Variants in TEF observed in about 807,000 individuals in gnomAD.
TEF encodes TEF transcription factor, PAR bZIP family member.
Under a neutral mutation model 20.8 loss-of-function variants are expected in TEF, and 3 were observed. That is an observed-to-expected ratio of 0.14 (90% CI 0.07 to 0.37). The LOEUF (loss-of-function observed/expected upper bound fraction) is 0.37. TEF is among the 10% of genes least tolerant of loss of function. The pLI, the probability that TEF is intolerant of heterozygous loss-of-function variation, is 1.00. For synonymous variants in TEF, 180 were observed against 171.1 expected (o/e 1.05, Z -0.41); for missense variants, 296 against 397.9 (o/e 0.74, Z 2.18).
At position 41,371,491 on chromosome 22, in the gene TEF, G is replaced by A. The variant is rs188614429; in HGVS notation, c.67+3892G>A. Among the ~76,000 whole-genome samples the A allele has an allele frequency of 8.3e-3, 1,241 of 149,930 alleles. 20 individuals are homozygous for A. Among genetic ancestry groups the A allele is most frequent in the African/African-American group, 0.03 (1,196 of 40,414 alleles). On this transcript the variant is annotated intron_variant, in intron 1 of 3. Transcript: ENST00000406644. ...TTCTACAACCCACTGGTTGGGACTT[G>A]CCCCCCTCTCTCTCCATCTCCAGAC...
chr22:41,394,399 T>A, intron 3 of TEF, 83 bp downstream of exon 3: 1 of 1,322,108 alleles, frequency 7.6e-7, no homozygotes. Context: ...TGATTTTATC[T>A]GGAGAGCCTT....
Position 41,382,198 on chromosome 22 carries a change from C to T in TEF, c.154C>T (p.Leu52Phe), listed in dbSNP as rs1052869977. 1.7e-6 allele frequency: 2 copies of T among 1,183,278 alleles called. No individual in the cohort carries two copies. Among genetic ancestry groups the T allele is most frequent in the Non-Finnish European group, 2.1e-6 (2 of 958,778 alleles). 73.3% of individuals were successfully genotyped at this position (1,183,278 alleles called of 1,614,324 possible). A position where few individuals can be genotyped will look rare whatever the true frequency, so the allele number is the denominator to read the frequency against. ...LMENPPREAR[L>F]DKEKGKEKLE... ...GGAGAACCCCCCGCGCGAGGCGCGC[C>T]TCGGTGAGGGCGGGGGGGTGGTCCG... The change falls in exon 1 of 4, where the codon CTC (leucine) becomes TTC (phenylalanine). Residue 52 changes from leucine to phenylalanine, a missense_variant. Physicochemically the swap from Leu to Phe is conservative, Grantham distance 22. Transcript: ENST00000266304.
At chr22:41,393,504 C>A (rs1387815412) in intron 2 of TEF, among the ~76,000 whole-genome samples, 1 of 152,086 alleles carries the variant, frequency 6.6e-6, no homozygotes, top group Non-Finnish European at 1.5e-5. Flanking sequence ...TGCCTGTAAT[C>A]CCAGCACTTT....
chr22:41,369,514 GGAA>G (rs2036855830), intron 1 of TEF, among the ~76,000 whole-genome samples: 1 of 152,152 alleles, frequency 6.6e-6, no homozygotes, highest in Non-Finnish European at 1.5e-5. Flanking sequence ...TAAAATGAGG[GGAA>G]GAGGGCTGAA....
In TEF at chr22:41,396,597, G is replaced by A. The variant is rs4141433; in HGVS notation, c.*637G>A. 0.98 allele frequency: 198,569 copies of A among 203,244 alleles called. 97,025 individuals are homozygous for A. The highest frequency in any genetic ancestry group is 1 in the Middle Eastern group (590 of 590). The allele number at this position is 203,244 out of a possible 1,614,324, so 12.6% of individuals were successfully genotyped here. ...AGCAGAAGTGTGCCCAGCGTTTCTC[G>A]GCTCCCGCACCCCTTTTCCCTTATG... is the stretch of plus-strand genomic sequence containing the variant. On this transcript the variant is annotated 3_prime_UTR_variant, in exon 4 of 4. Coordinates refer to ENST00000266304, the MANE Select transcript of TEF (RefSeq NM_003216.4).
intron 1 of TEF, among the ~76,000 whole-genome samples, chr22:41,386,332 T>G (rs538354042): frequency 6.6e-6 from 1 of 152,174 alleles, no homozygotes; most frequent in South Asian, 2.1e-4. Flanking sequence ...TCCCAGCTAC[T>G]TGGGAGGCTG....
chr22:41,387,692 G>T lies in TEF; in HGVS notation c.475+24G>T, dbSNP rs757660077. 6 of 1,589,240 alleles carry T rather than the reference G, an allele frequency of 3.8e-6. No individual in the cohort carries two copies. The South Asian group carries it at 6.8e-5, about 18-fold the overall frequency. ...AGGTTGGTGAAAGGCCATCGAGGAGGGCCACCTGTCCCATCCAGGGAAGTC... is the reference window on the plus strand; with the variant it reads ...AGGTTGGTGAAAGGCCATCGAGGAGTGCCACCTGTCCCATCCAGGGAAGTC... On this transcript the variant is annotated intron_variant, in intron 2 of 3. Transcript: ENST00000266304.
intron 2 of TEF, 121 bp downstream of exon 2, chr22:41,387,789 G>T: frequency 1.9e-6 from 2 of 1,035,296 alleles, no homozygotes; most frequent in Non-Finnish European, 2.8e-6. Flanking sequence ...TCCTGGTGGG[G>T]CTGCAGTGTG....
At chr22:41,380,263 G>C (rs1048359182), upstream of TEF, among the ~76,000 whole-genome samples, 3 of 152,082 alleles carry the variant, frequency 2.0e-5, no homozygotes, top group South Asian at 2.1e-4. Flanking sequence ...ACCGATTCTC[G>C]TGCCTCAGCT....
rs527340308 is a variant in TEF at position 41,389,071 on chromosome 22, C to A, written c.475+1403C>A. On this transcript the variant is annotated intron_variant, in intron 2 of 3. Transcript: ENST00000266304. ...TTTACATCTAAAGTTGACAATAAAT[C>A]CATCAACATTCAGATTTCCAAAGTT... Among the ~76,000 whole-genome samples, 3 of 152,136 alleles carry A rather than the reference C, an allele frequency of 2.0e-5. No individual in the cohort carries two copies. In the South Asian group the frequency reaches 6.2e-4, roughly 32 times the overall value.
Position 41,396,046 on chromosome 22 carries a change from CTT to C in TEF, c.*87_*88del. On this transcript the variant is annotated 3_prime_UTR_variant, in exon 4 of 4. Coordinates refer to ENST00000266304, the MANE Select transcript of TEF (RefSeq NM_003216.4). ...CTGTAACCCCTCACACGCGTGGAGA[CTT>C]ATGACTCGTCGTGGGCGCATGGCGG... The C allele has an allele frequency of 7.0e-7, 1 of 1,431,032 alleles. No individual in the cohort carries two copies. The highest frequency in any genetic ancestry group is 9.5e-7 in the Non-Finnish European group (1 of 1,049,558). 88.6% of individuals were successfully genotyped at this position (1,431,032 alleles called of 1,614,324 possible). A position where few individuals can be genotyped will look rare whatever the true frequency, so the allele number is the denominator to read the frequency against.
At chr22:41,374,845 G>C (rs983120174) in intron 1 of TEF, among the ~76,000 whole-genome samples, 65 of 152,162 alleles carry the variant, frequency 4.3e-4, no homozygotes, top group African/African-American at 1.5e-3. Flanking sequence ...AAGAAGAGGG[G>C]TTGATCTTGT....
chr22:41,374,840 G>A (rs531930731), intron 1 of TEF, among the ~76,000 whole-genome samples: 2 of 152,322 alleles, frequency 1.3e-5, no homozygotes, highest in East Asian at 3.9e-4. Flanking sequence ...GGAGGAAGAA[G>A]AGGGGTTGAT....
chr22:41,393,976 T>C, intron 2 of TEF, 120 bp from the exon 3 acceptor site: 1 of 812,356 alleles, frequency 1.2e-6, no homozygotes. Flanking sequence ...TGGGGTTTTC[T>C]TCTCCCCAGG....
rs746375610 is a variant in TEF at position 41,395,973 on chromosome 22, G to A, written c.*13G>A. 4.4e-5 allele frequency: 71 copies of A among 1,604,116 alleles called. No individual in the cohort carries two copies. Among genetic ancestry groups the A allele is most frequent in the East Asian group, 2.2e-5 (1 of 44,568 alleles). The stretch of plus-strand genomic sequence containing the variant: ...CGGGCCCTTGTAACCCGTGCCCCCC[G>A]CCCGGGCGGGGTACTGCCTGCACCT... On this transcript the variant is annotated 3_prime_UTR_variant, in exon 4 of 4. Transcript: ENST00000266304.
intron 1 of TEF, among the ~76,000 whole-genome samples, chr22:41,375,060 C>T (rs1258608833): frequency 1.3e-5 from 2 of 152,204 alleles, no homozygotes; most frequent in Non-Finnish European, 2.9e-5. Flanking sequence ...ACGTCTTTGA[C>T]TGCAGAAACC....
Position 41,382,160 on chromosome 22 carries a change from T to C in TEF, c.116T>C (p.Leu39Pro). 8.1e-7 allele frequency: 1 copy of C among 1,239,062 alleles called. No individual in the cohort carries two copies. The highest frequency in any genetic ancestry group is 1.0e-6 in the Non-Finnish European group (1 of 993,456). 76.8% of individuals were successfully genotyped at this position (1,239,062 alleles called of 1,614,324 possible). A position where few individuals can be genotyped will look rare whatever the true frequency, so the allele number is the denominator to read the frequency against. The change falls in exon 1 of 4, where the codon CTG becomes CCG. Residue 39 changes from leucine to proline, a missense_variant. Coordinates refer to ENST00000266304, the MANE Select transcript of TEF (RefSeq NM_003216.4). ...RGLSGSFPLV[L>P]KKLMENPPRE... ...CTGTCGGGGTCCTTCCCCCTGGTCC[T>C]GAAGAAGCTGATGGAGAACCCCCCG...
intron 2 of TEF, among the ~76,000 whole-genome samples, chr22:41,392,942 C>T (rs1268836403): frequency 6.6e-6 from 1 of 151,702 alleles, no homozygotes; most frequent in Admixed American, 6.6e-5. Flanking sequence ...GAGGCTGAGT[C>T]GGGAATCGGT....
In TEF at chr22:41,394,192, T is replaced by C. The variant is rs762053285; in HGVS notation, c.572T>C (p.Val191Ala). The C allele has an allele frequency of 2.5e-6, 4 of 1,614,058 alleles. No homozygotes were observed. The highest frequency in any genetic ancestry group is 1.7e-5 in the Admixed American group (1 of 59,994). ...TTCAATCCGGACCCCGCCGACCTGG[T>C]GCTCTCCAGTGTGCCAGGCGGGGAG... is the stretch of plus-strand genomic sequence containing the variant. ...VNFNPDPADLVLSSVPGGELF... is the reference protein window; with the variant it reads ...VNFNPDPADLALSSVPGGELF... The change falls in exon 3 of 4, where the codon GTG (valine) becomes GCG (alanine). Residue 191 changes from valine to alanine, a missense_variant. Physicochemically the swap from Val to Ala is moderately conservative, Grantham distance 64. Around this residue, in one of 2 missense-constraint regions of TEF, gnomAD observed 194 missense variants for 317.8 expected, o/e 0.61. Transcript: ENST00000266304.
Sources: allele counts gnomAD v4.1 joint callset (sites outside exome capture counted in the v4.1 genomes callset), GRCh38; gene constraint gnomAD v4.1.1; regional missense constraint gnomAD v4.1.1; transcripts MANE v1.5; gene names NCBI Gene and HGNC (gene_info 2026-07-23, HGNC 2026-07-21).